Variants in SEMA6C observed in about 807,000 individuals in gnomAD.
SEMA6C encodes the protein semaphorin 6C.
Under a neutral mutation model 72.9 loss-of-function variants are expected in SEMA6C, and 37 were observed. The ratio of observed to expected loss-of-function variants is 0.51; its 90% CI spans 0.39 to 0.67. The LOEUF (loss-of-function observed/expected upper bound fraction) is 0.67. Among genes scored for constraint, SEMA6C ranks in the 30% least tolerant of loss-of-function variants. The pLI is 0.00. For synonymous variants in SEMA6C, 578 were observed against 554.1 expected (o/e 1.04, Z -0.61); for missense variants, 1,189 against 1,263.6 (o/e 0.94, Z 0.89).
At position 151,135,808 on chromosome 1, in the gene SEMA6C, C is replaced by G. The variant is rs587598196; in HGVS notation, c.1260-44G>C. The stretch of plus-strand genomic sequence containing the variant: ...GGTCAGGGAACCTGTCTAGTGGAAA[C>G]CTGAGCATTTCAGGGAGAGCCCAAC... On this transcript the variant is annotated intron_variant, in intron 13 of 18. Transcript: ENST00000368914. 8.1e-6 allele frequency: 13 copies of G among 1,601,780 alleles called. No homozygotes were observed. In the African/African-American group the frequency reaches 1.5e-4, roughly 18 times the overall value.
chr1:151,138,632 C>T lies in SEMA6C; in HGVS notation c.454G>A (p.Gly152Arg). 1 of 1,613,864 alleles carries T rather than the reference C, an allele frequency of 6.2e-7. No homozygotes were observed. The highest frequency in any genetic ancestry group is 8.5e-7 in the Non-Finnish European group (1 of 1,179,702). ...AACCCCCACCCTCTCTTTTGTACCC[C>T]ATAGCTGCGGCACACAGGGCTGAAT... is the stretch of plus-strand genomic sequence containing the variant. ...NSFSPVCRSYGITSLQQEGEE... is the reference protein window; with the variant it reads ...NSFSPVCRSYRITSLQQEGEE... The change falls in exon 7 of 19, where the codon GGG becomes AGG. Residue 152 changes from glycine to arginine, a missense_variant and splice_region_variant. Physicochemically the swap from Gly to Arg is moderately radical, Grantham distance 125. This residue lies in a region of SEMA6C where 468 missense variants were observed against 577.4 expected (regional missense o/e 0.81). Coordinates refer to ENST00000368914, the MANE Select transcript of SEMA6C (RefSeq NM_030913.6).
In SEMA6C at chr1:151,132,644, C is replaced by A. The variant is rs1480204480; in HGVS notation, c.2633G>T (p.Gly878Val). The A allele has an allele frequency of 6.5e-7, 1 of 1,550,324 alleles. No individual in the cohort carries two copies. The highest frequency in any genetic ancestry group is 1.2e-5 in the South Asian group (1 of 84,084). Residue 878 changes from glycine (G) to valine (V), a missense_variant, in exon 19 of 19, where the codon GGT becomes GTT. Physicochemically the swap from Gly to Val is moderately radical, Grantham distance 109 (BLOSUM62 -3). This residue lies in a region of SEMA6C where 721 missense variants were observed against 686.2 expected (regional missense o/e 1.05). Coordinates refer to ENST00000368914, the MANE Select transcript of SEMA6C (RefSeq NM_030913.6). The stretch of plus-strand genomic sequence containing the variant: ...CAGGTACAGGAGGTGCTTCCCGGGA[C>A]CCCCGGAGTACCTGGAGGGACCTCC... ...PSGGPSRYSG[G>V]PGKHLLYLGR...
intron 18 of SEMA6C, 28 bp downstream of exon 18, chr1:151,134,373 A>C: frequency 6.4e-7 from 1 of 1,566,056 alleles, no homozygotes; most frequent in South Asian, 1.2e-5. Flanking sequence ...TGAGCAAGGG[A>C]AGGTGAGGTT....
rs911628549 is a variant in SEMA6C at position 151,140,108 on chromosome 1, A to T, written c.119-18T>A. 6.2e-6 allele frequency: 10 copies of T among 1,604,130 alleles called. No individual in the cohort carries two copies. Among genetic ancestry groups the T allele is most frequent in the Non-Finnish European group, 8.5e-6 (10 of 1,172,880 alleles). On this transcript the variant is annotated intron_variant, in intron 3 of 18. Coordinates refer to ENST00000368914, the MANE Select transcript of SEMA6C (RefSeq NM_030913.6). The stretch of plus-strand genomic sequence containing the variant: ...GGAAGTACCTTGAGGACACAGAGAG[A>T]TAGGATTCTGAGGATACCACAAACT...
chr1:151,136,005 C>T lies in SEMA6C; in HGVS notation c.1259+6G>A, dbSNP rs1462882403. The T allele has an allele frequency of 4.3e-6, 7 of 1,613,942 alleles. No homozygotes were observed. Among genetic ancestry groups the T allele is most frequent in the Non-Finnish European group, 5.9e-6 (7 of 1,179,980 alleles). On this transcript the variant is annotated splice_donor_region_variant and intron_variant, in intron 13 of 18. Transcript: ENST00000368914. ...AGGCAGTGGTCAGTGTTTTTCAGCC[C>T]CATACCTGCTAGTGAGAGTGAGTAG...
At chr1:151,136,341 G>T in intron 12 of SEMA6C, 107 bp downstream of exon 12, 1 of 1,516,366 alleles carries the variant, frequency 6.6e-7, no homozygotes, top group Non-Finnish European at 8.9e-7. Context: ...CCCCACTATA[G>T]CTCCCCACCC....
intron 4 of SEMA6C, 113 bp downstream of exon 4, chr1:151,139,863 G>T (rs770726028): frequency 8.1e-7 from 1 of 1,238,198 alleles, no homozygotes; most frequent in Non-Finnish European, 1.2e-6. Flanking sequence ...TCCACACCCC[G>T]TGGCTTGTGC....
chr1:151,139,671 G>A lies in SEMA6C; in HGVS notation c.264C>T (p.Ala88=), dbSNP rs146733591. ...GCACCAGCCCCTCCCCTTCTTCTTC[G>A]GCTTGAAGATCGAAGGAGAAAACGT... ...RDHVFSFDLQ[A]EEEGEGLVPN... Residue 88 remains alanine (A), a synonymous_variant, in exon 5 of 19, where the codon GCC becomes GCT. Transcript: ENST00000368914. The A allele has an allele frequency of 6.0e-5, 96 of 1,606,072 alleles. No homozygotes were observed. The highest frequency in any genetic ancestry group is 7.5e-5 in the Non-Finnish European group (88 of 1,174,296).
chr1:151,134,671 C>A lies in SEMA6C; in HGVS notation c.1663G>T (p.Asp555Tyr), dbSNP rs776704452. 2 of 1,614,166 alleles carry A rather than the reference C, an allele frequency of 1.2e-6. No individual in the cohort carries two copies. The highest frequency in any genetic ancestry group is 1.7e-6 in the Non-Finnish European group (2 of 1,180,018). Residue 555 changes from aspartate (D) to tyrosine (Y), a missense_variant, in exon 17 of 19, where the codon GAT becomes TAT. By Grantham distance (160) the Asp-to-Tyr change is radical. This residue lies in a region of SEMA6C where 721 missense variants were observed against 686.2 expected (regional missense o/e 1.05). Transcript: ENST00000368914. Reference sequence around the variant, plus strand: ...TCCTGGTTCCCAGCCTGATCCACATCAGTCCTAGGAGGAAAACGAAGTGGC... The same window carrying A: ...TCCTGGTTCCCAGCCTGATCCACATAAGTCCTAGGAGGAAAACGAAGTGGC... ...CVDIRGSGGT[D>Y]VDQAGNQESM... is the part of the protein sequence containing the mutation.
At position 151,132,870 on chromosome 1, in the gene SEMA6C, G is replaced by GGGCGGGGGCGGGCTCC; in HGVS notation, c.2391_2406dup (p.Leu803GlyfsTer230). 21 of 1,295,556 alleles carry GGGCGGGGGCGGGCTCC rather than the reference G, an allele frequency of 1.6e-5. No homozygotes were observed. Among genetic ancestry groups the GGGCGGGGGCGGGCTCC allele is most frequent in the Non-Finnish European group, 2.1e-5 (21 of 1,022,390 alleles). 80.3% of individuals were successfully genotyped at this position (1,295,556 alleles called of 1,614,324 possible). On this transcript the variant is annotated frameshift_variant, in exon 19 of 19. Coordinates refer to ENST00000368914, the MANE Select transcript of SEMA6C (RefSeq NM_030913.6). LOFTEE classifies it low-confidence loss of function (END_TRUNC). ...GGCCTGGGGCTGGGGCCGCCCAAGAGGGCGGGGGCGGGCTCCGGCGGGAGC... is the reference window on the plus strand; with the variant it reads ...GGCCTGGGGCTGGGGCCGCCCAAGAGGGCGGGGGCGGGCTCCGGCGGGGGCGGGCTCCGGCGGGAGC...
chr1:151,138,703 A>T lies in SEMA6C; in HGVS notation c.383T>A (p.Leu128His). 1 of 1,614,222 alleles carries T rather than the reference A, an allele frequency of 6.2e-7. No individual in the cohort carries two copies. Among genetic ancestry groups the T allele is most frequent in the Non-Finnish European group, 8.5e-7 (1 of 1,180,026 alleles). Residue 128 changes from leucine (L) to histidine (H), a missense_variant, in exon 7 of 19, where the codon CTT becomes CAT. Transcript: ENST00000368914. ...GAGCGTCTGGGAGTCCCAGGGAACA[A>T]GAACACGAATATAGTTGTAGCACTC... The part of the protein sequence containing the change: ...TDECYNYIRV[L>H]VPWDSQTLLA...
intron 3 of SEMA6C, among the ~76,000 whole-genome samples, chr1:151,141,769 G>C (rs587685381): frequency 6.7e-6 from 1 of 150,018 alleles, no homozygotes; most frequent in Non-Finnish European, 1.5e-5. Flanking sequence ...ATGGGGGTTG[G>C]GGGGTGGGAT....
At chr1:151,139,947 G>T (rs935893475) in intron 4 of SEMA6C, 29 bp downstream of exon 4, 2 of 1,598,620 alleles carry the variant, frequency 1.3e-6, no homozygotes. Flanking sequence ...ATGCATGTCT[G>T]CCCCACAACT....
intron 2 of SEMA6C, 93 bp downstream of exon 2, chr1:151,144,292 T>C (rs1682781899): frequency 1.3e-5 from 2 of 152,572 alleles, no homozygotes; most frequent in Admixed American, 6.5e-5. Flanking sequence ...CTTTGGTCTC[T>C]GGCAAGTGAG....
At chr1:151,135,502 T>C in intron 14 of SEMA6C, 89 bp downstream of exon 14, 2 of 1,501,730 alleles carry the variant, frequency 1.3e-6, no homozygotes, top group South Asian at 1.3e-5. Flanking sequence ...AAAGCCAATG[T>C]TGATGTTTCC....
Position 151,132,347 on chromosome 1 carries a change from G to C in SEMA6C, c.*137C>G, listed in dbSNP as rs777203703. On this transcript the variant is annotated 3_prime_UTR_variant, in exon 19 of 19. Transcript: ENST00000368914. Reference sequence around the variant, plus strand: ...TCAATAAATAAACCCGAGGCGAAAAGGGGCCTCGGGAGACTCTGCGAGTCG... The same window carrying C: ...TCAATAAATAAACCCGAGGCGAAAACGGGCCTCGGGAGACTCTGCGAGTCG... The C allele has an allele frequency of 1.4e-5, 21 of 1,540,608 alleles. No homozygotes were observed. The East Asian group carries it at 4.2e-4, about 31-fold the overall frequency.
intron 1 of SEMA6C, among the ~76,000 whole-genome samples, chr1:151,144,727 G>A (rs587720399): frequency 1.2e-4 from 18 of 152,260 alleles, no homozygotes; most frequent in African/African-American, 2.4e-4. Flanking sequence ...GGGGCATGGC[G>A]ACCACTCCCA....
chr1:151,133,108 C>G lies in SEMA6C; in HGVS notation c.2169G>C (p.Gln723His), dbSNP rs1478312590. 6.4e-7 allele frequency: 1 copy of G among 1,567,092 alleles called. No individual in the cohort carries two copies. Among genetic ancestry groups the G allele is most frequent in the Non-Finnish European group, 8.6e-7 (1 of 1,167,890 alleles). ...RAAGDPWEWNQNRNNAKEGPG... is the reference protein window; with the variant it reads ...RAAGDPWEWNHNRNNAKEGPG... ...GACCCTCCTTGGCGTTGTTCCTGTTCTGGTTCCACTCCCAGGGGTCCCCGG... is the reference window on the plus strand; with the variant it reads ...GACCCTCCTTGGCGTTGTTCCTGTTGTGGTTCCACTCCCAGGGGTCCCCGG... The change falls in exon 19 of 19, where the codon CAG becomes CAC. Residue 723 changes from glutamine to histidine, a missense_variant. This residue lies in a region of SEMA6C where 721 missense variants were observed against 686.2 expected (regional missense o/e 1.05). Transcript: ENST00000368914. The surrounding 1 kb of genome is among the most constrained non-coding windows in gnomAD (Gnocchi z 5.9).
In SEMA6C at chr1:151,132,400, G is replaced by GT; in HGVS notation, c.*83_*84insA. The GT allele has an allele frequency of 6.6e-7, 1 of 1,522,896 alleles. No individual in the cohort carries two copies. The highest frequency in any genetic ancestry group is 2.5e-5 in the East Asian group (1 of 40,626). 94.3% of individuals were successfully genotyped at this position (1,522,896 alleles called of 1,614,324 possible). A position where few individuals can be genotyped will look rare whatever the true frequency, so the allele number is the denominator to read the frequency against. ...AAGGCTGGAGGTGCGGGGCGAGGGG[G>GT]CGGTGAAACGTCCTGAAGAGCGTCC... On this transcript the variant is annotated 3_prime_UTR_variant, in exon 19 of 19. Transcript: ENST00000368914.
Sources: gnomAD v4.1 joint callset for allele counts (sites outside exome capture counted in the v4.1 genomes callset) on GRCh38, gnomAD v4.1.1 for gene constraint, gnomAD v4.1.1 regional missense constraint, Gnocchi (gnomAD v3.1) non-coding constraint, MANE v1.5 for transcripts, NCBI Gene and HGNC (gene_info 2026-07-23, HGNC 2026-07-21) for gene names.